The following CGNL1 variants were observed in gnomAD, a reference collection of about 807,000 sequenced individuals.
CGNL1 encodes the protein cingulin like 1, also known as cingulin-like protein 1.
In CGNL1, 132 loss-of-function variants were observed where a neutral mutation model predicts 141.2. The observed-to-expected ratio is 0.93, with a 90% CI of 0.81 to 1.08. The LOEUF (loss-of-function observed/expected upper bound fraction) is 1.08. Ranked by LOEUF, CGNL1 falls within the 50% of genes least tolerant of loss-of-function variation. The probability of loss-of-function intolerance (pLI) is 0.00; values close to 1 mark genes in which losing one functional copy is unlikely to be tolerated. For missense variants in CGNL1, 1,870 were observed against 1,588.6 expected (o/e 1.18, Z -3.01); for synonymous variants, 690 against 622.1 (o/e 1.11, Z -1.63).
At chr15:57,394,610 G>C (rs1251883633) in intron 1 of CGNL1, among the ~76,000 whole-genome samples, 1 of 152,122 alleles carries the variant, frequency 6.6e-6, no homozygotes, top group African/African-American at 2.4e-5. Context: ...CAAATGTACA[G>C]GTTATTCTTG....
intron 8 of CGNL1, among the ~76,000 whole-genome samples, chr15:57,468,564 G>A (rs1374954526): frequency 4.0e-5 from 4 of 99,410 alleles, no homozygotes; most frequent in South Asian, 3.6e-4. Flanking sequence ...GTTTGCGTGT[G>A]TGTGTGTGTG....
intron 1 of CGNL1, among the ~76,000 whole-genome samples, chr15:57,400,190 G>A (rs1595663181): frequency 6.6e-6 from 1 of 152,004 alleles, no homozygotes; most frequent in African/African-American, 2.4e-5. Context: ...GTAGAGATGG[G>A]GGTCTTGCTA....
At chr15:57,412,930 G>A (rs1196905633) in intron 1 of CGNL1, among the ~76,000 whole-genome samples, 5 of 152,032 alleles carry the variant, frequency 3.3e-5, no homozygotes, top group African/African-American at 9.7e-5. Flanking sequence ...CGCGATCTCG[G>A]CTCACTGCAA....
At chr15:57,376,681 C>T (rs867074754) in intron 1 of CGNL1, 114 bp downstream of exon 1, 1 of 151,800 alleles carries the variant, frequency 6.6e-6, no homozygotes, top group Middle Eastern at 3.4e-3. Context: ...CAGCCAGGTG[C>T]ACTGTGCTCA....
At chr15:57,512,842 T>G (rs1325648563) in intron 8 of CGNL1, among the ~76,000 whole-genome samples, 6 of 152,102 alleles carry the variant, frequency 3.9e-5, no homozygotes, top group African/African-American at 1.4e-4. Context: ...GAGCCTCTTC[T>G]TCCCCTCTCT....
intron 1 of CGNL1, among the ~76,000 whole-genome samples, chr15:57,382,417 G>A (rs2062434769): frequency 6.6e-6 from 1 of 152,194 alleles, no homozygotes; most frequent in South Asian, 2.1e-4. Context: ...CTGCCAGCCT[G>A]GCCAGAAGCC....
At chr15:57,416,626 T>C (rs909174857) in intron 1 of CGNL1, among the ~76,000 whole-genome samples, 1 of 152,198 alleles carries the variant, frequency 6.6e-6, no homozygotes, top group African/African-American at 2.4e-5. Flanking sequence ...AGAAGGCACT[T>C]GGTATCACAG....
At position 57,550,185 on chromosome 15, in the gene CGNL1, G is replaced by T. The variant is rs17820443; in HGVS notation, c.*2695G>T. ...CTCTGAGGGAGTTGGCAACGCATGC[G>T]GTATAGTGGAGTGGGAAGAGTTGAG... On this transcript the variant is annotated 3_prime_UTR_variant, in exon 19 of 19. Transcript: ENST00000281282. 4,213 of 152,358 alleles carry T rather than the reference G, an allele frequency of 0.028. 70 individuals are homozygous for T. Among genetic ancestry groups the T allele is most frequent in the Middle Eastern group, 0.044 (13 of 294 alleles). 9.4% of individuals were successfully genotyped at this position (152,358 alleles called of 1,614,324 possible).
intron 1 of CGNL1, among the ~76,000 whole-genome samples, chr15:57,427,907 A>C (rs1398397424): frequency 6.6e-6 from 1 of 151,986 alleles, no homozygotes; most frequent in Non-Finnish European, 1.5e-5. Flanking sequence ...CTCATGTTTT[A>C]AACAGTTTTA....
chr15:57,465,698 T>G (rs1423703196), intron 8 of CGNL1, among the ~76,000 whole-genome samples: 1 of 152,182 alleles, frequency 6.6e-6, no homozygotes, highest in Non-Finnish European at 1.5e-5. Context: ...ATTAAAAAGT[T>G]TATTACTTCA....
chr15:57,504,351 A>T (rs2064070756), intron 8 of CGNL1, among the ~76,000 whole-genome samples: 1 of 152,166 alleles, frequency 6.6e-6, no homozygotes, highest in African/African-American at 2.4e-5. Flanking sequence ...CCAGGATTTA[A>T]ACTCAAGTCT....
intron 1 of CGNL1, among the ~76,000 whole-genome samples, chr15:57,413,592 T>C (rs1262035589): frequency 1.3e-5 from 2 of 152,222 alleles, no homozygotes; most frequent in African/African-American, 4.8e-5. Context: ...GGCCAGCATC[T>C]CAGTAGGGAA....
intron 8 of CGNL1, among the ~76,000 whole-genome samples, chr15:57,487,117 C>T (rs1332174153): frequency 6.6e-6 from 1 of 152,086 alleles, no homozygotes; most frequent in Non-Finnish European, 1.5e-5. Flanking sequence ...CTCTAATTGC[C>T]CAGCAACTAG....
At chr15:57,498,687 G>T (rs904151248) in intron 8 of CGNL1, among the ~76,000 whole-genome samples, 3 of 152,124 alleles carry the variant, frequency 2.0e-5, no homozygotes, top group Non-Finnish European at 4.4e-5. Flanking sequence ...CCATGACAAG[G>T]CTTATGGAGG....
chr15:57,535,872 G>A (rs2032231221), intron 14 of CGNL1, among the ~76,000 whole-genome samples: 1 of 152,194 alleles, frequency 6.6e-6, no homozygotes, highest in South Asian at 2.1e-4. Context: ...GTGTAAGATG[G>A]TGTATTTGAC....
intron 1 of CGNL1, among the ~76,000 whole-genome samples, chr15:57,384,491 G>A (rs1167267683): frequency 6.6e-6 from 1 of 152,190 alleles, no homozygotes; most frequent in Non-Finnish European, 1.5e-5. Context: ...TCTGAGCTAT[G>A]CTAACAACTA....
chr15:57,387,287 T>C (rs2062494621), intron 1 of CGNL1, among the ~76,000 whole-genome samples: 1 of 152,250 alleles, frequency 6.6e-6, no homozygotes, highest in Non-Finnish European at 1.5e-5. Context: ...CACCACTTTT[T>C]ACCTGGTGTC....
intron 1 of CGNL1, among the ~76,000 whole-genome samples, chr15:57,425,071 GAGGCATCTTTACATTATAC>G (rs747929212): frequency 6.6e-6 from 1 of 151,904 alleles, no homozygotes; most frequent in Non-Finnish European, 1.5e-5. Context: ...TTTTTCTTTA[GAGGCATCTTTACATTATAC>G]AGGCTTGTGA....
chr15:57,382,844 A>G (rs1318062036), intron 1 of CGNL1, among the ~76,000 whole-genome samples: 1 of 152,206 alleles, frequency 6.6e-6, no homozygotes, highest in African/African-American at 2.4e-5. Context: ...GAGTTTGGGT[A>G]TTCCAACTAG....
Sources: allele counts gnomAD v4.1 joint callset (sites outside exome capture counted in the v4.1 genomes callset), GRCh38; gene constraint gnomAD v4.1.1; transcripts MANE v1.5; gene names NCBI Gene and HGNC (gene_info 2026-07-23, HGNC 2026-07-21).